ZNF638: variants seen among roughly 807,000 people sequenced by gnomAD.
The protein encoded by ZNF638 is zinc finger protein 638, also known as CTCL tumor antigen se33-1.
ZNF638 carries 46 observed loss-of-function variants against 195.6 expected under a neutral mutation model. That is an observed-to-expected ratio of 0.24 (90% CI 0.19 to 0.30). The LOEUF (loss-of-function observed/expected upper bound fraction) is 0.30, where lower values mean the gene tolerates loss of function less well. Ranked by LOEUF, ZNF638 falls within the 10% of genes least tolerant of loss-of-function variation. ZNF638 has a pLI of 1.00. For missense variants in ZNF638, 2,440 were observed against 2,325.3 expected (o/e 1.05, Z -1.01); for synonymous variants, 845 against 772.0 (o/e 1.09, Z -1.57).
intron 3 of ZNF638, among the ~76,000 whole-genome samples, chr2:71,357,890 G>C (rs1316059946): frequency 4.9e-5 from 2 of 41,102 alleles, no homozygotes; most frequent in African/African-American, 1.8e-4. Context: ...GAAAGATTGT[G>C]GGAACCCTGT....
Sources: gnomAD v4.1 joint callset for allele counts (sites outside exome capture counted in the v4.1 genomes callset) on GRCh38, gnomAD v4.1.1 for gene constraint, MANE v1.5 for transcripts, NCBI Gene and HGNC (gene_info 2026-07-23, HGNC 2026-07-21) for gene names.